The following CRPPA variants were observed in gnomAD, a reference collection of about 807,000 sequenced individuals.
CRPPA encodes the protein CDP-L-ribitol pyrophosphorylase A.
In CRPPA, 43 loss-of-function variants were observed where a neutral mutation model predicts 52.0. The observed-to-expected ratio is 0.83, with a 90% CI of 0.65 to 1.07. The LOEUF (loss-of-function observed/expected upper bound fraction) is 1.07. CRPPA is among the 50% of genes least tolerant of loss of function. CRPPA has a pLI of 0.00. For missense variants in CRPPA, 629 were observed against 551.7 expected (o/e 1.14, Z -1.40); for synonymous variants, 250 against 203.5 (o/e 1.23, Z -1.94).
At chr7:16,331,508 G>C (rs1035784079) in intron 3 of CRPPA, among the ~76,000 whole-genome samples, 3 of 151,978 alleles carry the variant, frequency 2.0e-5, no homozygotes, top group Non-Finnish European at 4.4e-5. Context: ...TTAAATAGAA[G>C]GAATAAGATA....
chr7:16,276,291 C>T (rs570166779), intron 6 of CRPPA, among the ~76,000 whole-genome samples: 6 of 152,050 alleles, frequency 3.9e-5, no homozygotes, highest in Admixed American at 6.5e-5. Flanking sequence ...TAAAAAGATT[C>T]GAAACTACAC....
intron 2 of CRPPA, among the ~76,000 whole-genome samples, chr7:16,389,920 A>ATATATATATATATATATATATAT (rs1325768493): frequency 1.5e-5 from 1 of 65,044 alleles, no homozygotes; most frequent in African/African-American, 6.9e-5. Flanking sequence ...ATACAAAAAA[A>ATATATATATATATATATATATAT]AAAAAAAAAT....
chr7:16,313,639 C>A (rs1785084322), intron 3 of CRPPA, among the ~76,000 whole-genome samples: 1 of 151,852 alleles, frequency 6.6e-6, no homozygotes, highest in Non-Finnish European at 1.5e-5. Flanking sequence ...TTAGGTCTTT[C>A]TTTTTTAACA....
chr7:16,321,627 A>T (rs908259197), intron 3 of CRPPA, among the ~76,000 whole-genome samples: 2 of 152,140 alleles, frequency 1.3e-5, no homozygotes, highest in African/African-American at 4.8e-5. Context: ...AAATTGTTTT[A>T]TTAGCAACAG....
At chr7:16,114,287 C>G (rs545854450) in intron 9 of CRPPA, among the ~76,000 whole-genome samples, 2 of 133,180 alleles carry the variant, frequency 1.5e-5, no homozygotes, top group South Asian at 2.5e-4. Context: ...AAAGTAGACA[C>G]GCACACATAC....
intron 2 of CRPPA, among the ~76,000 whole-genome samples, chr7:16,388,806 G>A (rs1021396158): frequency 6.6e-6 from 1 of 152,134 alleles, no homozygotes; most frequent in East Asian, 1.9e-4. Flanking sequence ...AACCCAAGAG[G>A]CAATGGATGC....
chr7:16,157,867 T>G (rs1476597689), intron 9 of CRPPA, among the ~76,000 whole-genome samples: 1 of 151,128 alleles, frequency 6.6e-6, no homozygotes, highest in African/African-American at 2.4e-5. Context: ...TAAATGTAGA[T>G]ATTTCTTTTT....
intron 9 of CRPPA, among the ~76,000 whole-genome samples, chr7:16,114,295 T>TACACAC (rs140597697): frequency 6.0e-4 from 89 of 147,144 alleles, no homozygotes; most frequent in African/African-American, 1.8e-3. Context: ...CACGCACACA[T>TACACAC]ACACACACAC....
At chr7:16,374,618 A>G (rs1315242900) in intron 3 of CRPPA, among the ~76,000 whole-genome samples, 1 of 152,190 alleles carries the variant, frequency 6.6e-6, no homozygotes, top group Non-Finnish European at 1.5e-5. Flanking sequence ...AAGTCTTCTC[A>G]TCACATCTAC....
chr7:16,392,709 T>C (rs1449718103), intron 2 of CRPPA, among the ~76,000 whole-genome samples: 4 of 152,176 alleles, frequency 2.6e-5, no homozygotes, highest in African/African-American at 9.6e-5. Context: ...CTTCCTATTA[T>C]GAAAACTTCC....
At chr7:16,229,118 T>A (rs1448491387) in intron 8 of CRPPA, among the ~76,000 whole-genome samples, 1 of 152,052 alleles carries the variant, frequency 6.6e-6, no homozygotes, top group Non-Finnish European at 1.5e-5. Context: ...TTGTTGTTGT[T>A]TCAATTTGTA....
At chr7:16,415,823 A>T (rs905565321) in intron 1 of CRPPA, among the ~76,000 whole-genome samples, 7 of 152,160 alleles carry the variant, frequency 4.6e-5, no homozygotes, top group African/African-American at 1.7e-4. Flanking sequence ...AAACAAATGT[A>T]TGTGTAAGTG....
At chr7:16,361,894 G>A (rs529443281) in intron 3 of CRPPA, among the ~76,000 whole-genome samples, 5 of 151,814 alleles carry the variant, frequency 3.3e-5, no homozygotes, top group South Asian at 2.1e-4. Context: ...TCGCTCTATC[G>A]CCCAGGCTGG....
chr7:16,368,940 T>G (rs563952232), intron 3 of CRPPA, among the ~76,000 whole-genome samples: 1 of 152,326 alleles, frequency 6.6e-6, no homozygotes, highest in South Asian at 2.1e-4. Flanking sequence ...TTTATATAAC[T>G]GGCATTAGTG....
intron 2 of CRPPA, among the ~76,000 whole-genome samples, chr7:16,399,735 G>C (rs758569832): frequency 2.0e-5 from 3 of 152,144 alleles, no homozygotes; most frequent in African/African-American, 7.2e-5. Context: ...ACATATGATT[G>C]ACATGTAACT....
intron 3 of CRPPA, among the ~76,000 whole-genome samples, chr7:16,322,689 T>G (rs190909956): frequency 6.2e-4 from 94 of 152,316 alleles, no homozygotes; most frequent in Admixed American, 1.4e-3. Flanking sequence ...TGGTATTTGC[T>G]TCCTATTCTT....
At chr7:16,259,475 G>A (rs1023127221) in intron 6 of CRPPA, among the ~76,000 whole-genome samples, 7 of 151,932 alleles carry the variant, frequency 4.6e-5, no homozygotes, top group African/African-American at 1.7e-4. Flanking sequence ...AACAATATAA[G>A]TGAGAGAGAA....
At chr7:16,152,975 T>C (rs1783105928) in intron 9 of CRPPA, among the ~76,000 whole-genome samples, 1 of 152,046 alleles carries the variant, frequency 6.6e-6, no homozygotes, top group Admixed American at 6.5e-5. Flanking sequence ...AGCATAAATT[T>C]TACTCTGCAT....
At chr7:16,125,794 A>AT (rs1299598278) in intron 9 of CRPPA, among the ~76,000 whole-genome samples, 2 of 152,046 alleles carry the variant, frequency 1.3e-5, no homozygotes, top group African/African-American at 2.4e-5. Context: ...AGCTCGATCA[A>AT]GATGGTAACC....
Sources: allele counts gnomAD v4.1 joint callset (sites outside exome capture counted in the v4.1 genomes callset), GRCh38; gene constraint gnomAD v4.1.1; transcripts MANE v1.5; gene names NCBI Gene and HGNC (gene_info 2026-07-23, HGNC 2026-07-21).